The following EPB41L3 variants were observed in gnomAD, a reference collection of about 807,000 sequenced individuals.
The protein encoded by EPB41L3 is band 4.1-like protein 3.
A neutral mutation model predicts 127.1 loss-of-function variants in EPB41L3; 57 were observed. The ratio of observed to expected loss-of-function variants is 0.45; its 90% CI spans 0.36 to 0.56. The LOEUF (loss-of-function observed/expected upper bound fraction) is 0.56. Among genes scored for constraint, EPB41L3 ranks in the 20% least tolerant of loss-of-function variants. The probability of loss-of-function intolerance (pLI) is 0.00; values close to 1 mark genes in which losing one functional copy is unlikely to be tolerated. For synonymous variants in EPB41L3, 572 were observed against 549.5 expected, an observed-to-expected ratio of 1.04 and a Z score of -0.57; for missense variants, 1,273 against 1,372.2, an observed-to-expected ratio of 0.93 and a Z score of 1.14.
chr18:5,587,995 G>A (rs1206159868), intron 3 of EPB41L3, among the ~76,000 whole-genome samples: 2 of 152,060 alleles, frequency 1.3e-5, no homozygotes, highest in African/African-American at 4.8e-5. Flanking sequence ...GCAAAAGAAC[G>A]CTAACATGGC....
intron 3 of EPB41L3, among the ~76,000 whole-genome samples, chr18:5,595,213 G>A (rs2094525285): frequency 1.3e-5 from 2 of 152,196 alleles, no homozygotes; most frequent in Non-Finnish European, 2.9e-5. Flanking sequence ...TTGTTTCCAA[G>A]AGAATCCTTG....
intron 3 of EPB41L3, among the ~76,000 whole-genome samples, chr18:5,608,826 A>G (rs1053296506): frequency 1.3e-5 from 2 of 152,210 alleles, no homozygotes; most frequent in Non-Finnish European, 2.9e-5. Flanking sequence ...CTAAAGAATC[A>G]TAACATAACT....
chr18:5,613,129 G>A (rs1396061406), intron 2 of EPB41L3, among the ~76,000 whole-genome samples: 1 of 152,124 alleles, frequency 6.6e-6, no homozygotes. Context: ...TTGAGTGAGA[G>A]GACACACTTG....
intron 1 of EPB41L3, among the ~76,000 whole-genome samples, chr18:5,524,597 A>T (rs1465671948): frequency 6.7e-6 from 1 of 148,232 alleles, no homozygotes; most frequent in Non-Finnish European, 1.5e-5. Flanking sequence ...GCAGGAAATA[A>T]GGCTGTGCCA....
chr18:5,466,019 C>A (rs948487750), intron 3 of EPB41L3, among the ~76,000 whole-genome samples: 5 of 151,786 alleles, frequency 3.3e-5, no homozygotes, highest in African/African-American at 7.3e-5. Flanking sequence ...AGTATGTAAC[C>A]TTTAGGCAGA....
At chr18:5,519,256 G>A (rs375125153) in intron 1 of EPB41L3, among the ~76,000 whole-genome samples, 3 of 152,204 alleles carry the variant, frequency 2.0e-5, no homozygotes, top group East Asian at 3.9e-4. Context: ...CAGAGAAGAC[G>A]CCCCTGCGTG....
chr18:5,576,488 A>C (rs2094337667), intron 3 of EPB41L3, among the ~76,000 whole-genome samples: 1 of 152,216 alleles, frequency 6.6e-6, no homozygotes, highest in African/African-American at 2.4e-5. Flanking sequence ...AAAAGGTTTC[A>C]ACAAAAGAGC....
At chr18:5,602,175 A>C (rs2094598564) in intron 3 of EPB41L3, among the ~76,000 whole-genome samples, 2 of 152,200 alleles carry the variant, frequency 1.3e-5, no homozygotes, top group African/African-American at 4.8e-5. Flanking sequence ...CAATAACATC[A>C]AGTGTTTCAA....
chr18:5,601,867 A>G (rs1339437655), intron 3 of EPB41L3, among the ~76,000 whole-genome samples: 2 of 152,196 alleles, frequency 1.3e-5, no homozygotes, highest in African/African-American at 4.8e-5. Flanking sequence ...ATTATCATAA[A>G]TGATTTATAA....
intron 13 of EPB41L3, among the ~76,000 whole-genome samples, chr18:5,411,531 C>T (rs1036025627): frequency 6.6e-6 from 1 of 152,018 alleles, no homozygotes. Context: ...GGGTTTATGG[C>T]TTAAAAACTG....
chr18:5,499,027 A>G (rs2091477272), intron 1 of EPB41L3, among the ~76,000 whole-genome samples: 1 of 152,238 alleles, frequency 6.6e-6, no homozygotes, highest in Admixed American at 6.5e-5. Flanking sequence ...ATAATTCTCT[A>G]TAAGCCATGT....
At chr18:5,545,091 C>T (rs972243311), upstream of EPB41L3, among the ~76,000 whole-genome samples, 1 of 152,166 alleles carries the variant, frequency 6.6e-6, no homozygotes, top group Admixed American at 6.5e-5. Context: ...CCCAACACCC[C>T]TCTACTTGTG....
chr18:5,572,037 T>C (rs548361053), intron 3 of EPB41L3, among the ~76,000 whole-genome samples: 9 of 152,300 alleles, frequency 5.9e-5, no homozygotes, highest in South Asian at 2.1e-4. Flanking sequence ...ACTACGTAAA[T>C]AACCATATAT....
At chr18:5,515,137 C>G (rs1389825621) in intron 1 of EPB41L3, among the ~76,000 whole-genome samples, 2 of 152,140 alleles carry the variant, frequency 1.3e-5, no homozygotes, top group African/African-American at 4.8e-5. Flanking sequence ...TTGGTGCCCA[C>G]AGCAAACAGC....
At chr18:5,451,799 A>C (rs371634224) in intron 3 of EPB41L3, among the ~76,000 whole-genome samples, 1 of 152,168 alleles carries the variant, frequency 6.6e-6, no homozygotes, top group Non-Finnish European at 1.5e-5. Flanking sequence ...CCCCTATCTC[A>C]GGTCAATTAA....
At chr18:5,436,439 C>T (rs1156268672) in intron 6 of EPB41L3, among the ~76,000 whole-genome samples, 1 of 125,218 alleles carries the variant, frequency 8.0e-6, no homozygotes, top group Admixed American at 1.1e-4. Flanking sequence ...GACGGAGTCT[C>T]ACTCTGTTGC....
At chr18:5,410,800 AG>A (rs2076104258) in intron 13 of EPB41L3, among the ~76,000 whole-genome samples, 181 bp from the exon 14 acceptor site, 2 of 152,166 alleles carry the variant, frequency 1.3e-5, no homozygotes, top group African/African-American at 4.8e-5. Flanking sequence ...GGCCAGAGCT[AG>A]GTGTCATCAA....
At chr18:5,584,938 C>A (rs1354630776) in intron 3 of EPB41L3, among the ~76,000 whole-genome samples, 2 of 152,122 alleles carry the variant, frequency 1.3e-5, no homozygotes, top group Admixed American at 1.3e-4. Context: ...AATTGGATTG[C>A]AGGACTGTGT....
chr18:5,434,883 CAGA>C (rs1293014566), intron 6 of EPB41L3, among the ~76,000 whole-genome samples: 29 of 152,152 alleles, frequency 1.9e-4, no homozygotes, highest in Non-Finnish European at 3.2e-4. Context: ...TCAGAGGTAT[CAGA>C]AGAAGACACT....
Sources: gnomAD v4.1 joint callset for allele counts (sites outside exome capture counted in the v4.1 genomes callset) on GRCh38, gnomAD v4.1.1 for gene constraint, MANE v1.5 for transcripts, NCBI Gene and HGNC (gene_info 2026-07-23, HGNC 2026-07-21) for gene names.